Variants in ADAMTS12 observed in about 807,000 individuals in gnomAD.
ADAMTS12 encodes A disintegrin and metalloproteinase with thrombospondin motifs 12.
ADAMTS12 carries 118 observed loss-of-function variants against 167.8 expected under a neutral mutation model. That is an observed-to-expected ratio of 0.70 (90% confidence interval 0.61 to 0.82). ADAMTS12 has a LOEUF of 0.82. Among genes scored for constraint, ADAMTS12 ranks in the 40% least tolerant of loss-of-function variants. The pLI, the probability that ADAMTS12 is intolerant of heterozygous loss-of-function variation, is 0.00. For missense variants in ADAMTS12, 1,916 were observed against 1,998.8 expected, an observed-to-expected ratio of 0.96 and a Z score of 0.79; for synonymous variants, 704 against 716.9, an observed-to-expected ratio of 0.98 and a Z score of 0.29.
At chr5:33,555,936 C>A (rs1327628402) in intron 20 of ADAMTS12, among the ~76,000 whole-genome samples, 105 of 152,304 alleles carry the variant, frequency 6.9e-4, no homozygotes, top group Non-Finnish European at 8.8e-5. Flanking sequence ...CCTTCTCAGG[C>A]CAGTTTCTCC....
rs1239794446 is a variant in ADAMTS12, at chr5:33,574,266, T to C, written c.3972+1788A>G. ...TACTGGGTATATACCCAAAGGACTATAAATCATGCTGCTATAAAGACACAT... is the reference window on the plus strand; with the variant it reads ...TACTGGGTATATACCCAAAGGACTACAAATCATGCTGCTATAAAGACACAT... On this transcript the variant is annotated intron_variant, in intron 19 of 23. Transcript: ENST00000504830. 2.0e-5 allele frequency among the ~76,000 whole-genome samples: 3 copies of C among 152,112 alleles called. No homozygotes were observed. In the East Asian group the frequency reaches 5.8e-4, roughly 29 times the overall value.
intron 19 of ADAMTS12, among the ~76,000 whole-genome samples, chr5:33,565,875 G>A (rs1745991110): frequency 6.6e-6 from 1 of 152,010 alleles, no homozygotes; most frequent in Non-Finnish European, 1.5e-5. Context: ...CGTGGATATA[G>A]TAATGGCTCG....
chr5:33,774,170 A>G (rs9283730), intron 2 of ADAMTS12, among the ~76,000 whole-genome samples: 32,310 of 152,082 alleles, frequency 0.21, 4,622 homozygotes, highest in East Asian at 0.4. Flanking sequence ...CAAACAAAAA[A>G]CATTTATTAG....
chr5:33,857,869 C>T (rs1160573773), intron 2 of ADAMTS12, among the ~76,000 whole-genome samples: 1 of 152,168 alleles, frequency 6.6e-6, no homozygotes, highest in African/African-American at 2.4e-5. Flanking sequence ...TGAAGAAAAT[C>T]TGATAGAACT....
chr5:33,853,094 AG>A (rs1385950477), intron 2 of ADAMTS12, among the ~76,000 whole-genome samples: 1 of 152,226 alleles, frequency 6.6e-6, no homozygotes, highest in African/African-American at 2.4e-5. Context: ...GGAACCGAGC[AG>A]GGAGCCTAAT....
At chr5:33,879,056 G>A (rs1750331164) in intron 2 of ADAMTS12, among the ~76,000 whole-genome samples, 1 of 152,158 alleles carries the variant, frequency 6.6e-6, no homozygotes. Flanking sequence ...AGGGATATAG[G>A]TTTCTTTGTG....
At chr5:33,875,511 A>T (rs1039914829) in intron 2 of ADAMTS12, among the ~76,000 whole-genome samples, 1 of 152,214 alleles carries the variant, frequency 6.6e-6, no homozygotes, top group Non-Finnish European at 1.5e-5. Flanking sequence ...AACACTTTTT[A>T]AAAAATTAAT....
intron 2 of ADAMTS12, among the ~76,000 whole-genome samples, chr5:33,800,365 C>T (rs78684498): frequency 1.7e-3 from 265 of 152,158 alleles, no homozygotes; most frequent in African/African-American, 6.2e-3. Flanking sequence ...AAATCAGGAC[C>T]GGAAGACATG....
chr5:33,771,353 GAAT>G (rs1745731912), intron 2 of ADAMTS12, among the ~76,000 whole-genome samples: 1 of 152,132 alleles, frequency 6.6e-6, no homozygotes, highest in African/African-American at 2.4e-5. Flanking sequence ...TAGCCTGTAT[GAAT>G]GAGTGGGTAC....
At chr5:33,807,631 T>C (rs1253264820) in intron 2 of ADAMTS12, among the ~76,000 whole-genome samples, 1 of 152,246 alleles carries the variant, frequency 6.6e-6, no homozygotes, top group African/African-American at 2.4e-5. Context: ...TGTTGACTTT[T>C]CAGATTTAAA....
At chr5:33,730,493 A>G (rs2112352117) in intron 3 of ADAMTS12, among the ~76,000 whole-genome samples, 1 of 152,226 alleles carries the variant, frequency 6.6e-6, no homozygotes, top group South Asian at 2.1e-4. Flanking sequence ...AATATAGTTT[A>G]AATGCCTATT....
intron 22 of ADAMTS12, among the ~76,000 whole-genome samples, chr5:33,535,813 T>A (rs564732799): frequency 6.6e-6 from 1 of 151,744 alleles, no homozygotes; most frequent in South Asian, 2.1e-4. Flanking sequence ...AAAAGAGAAG[T>A]GGGAGGGAAA....
chr5:33,691,706 C>T (rs1398636407), intron 3 of ADAMTS12, among the ~76,000 whole-genome samples: 1 of 152,186 alleles, frequency 6.6e-6, no homozygotes, highest in Non-Finnish European at 1.5e-5. Flanking sequence ...TAAGCTTCAG[C>T]AGGACCTTCC....
At chr5:33,852,994 G>A (rs1297505292) in intron 2 of ADAMTS12, among the ~76,000 whole-genome samples, 1 of 152,156 alleles carries the variant, frequency 6.6e-6, no homozygotes, top group Non-Finnish European at 1.5e-5. Context: ...CAGCCCCTCA[G>A]GAGCAGGGGC....
intron 2 of ADAMTS12, among the ~76,000 whole-genome samples, chr5:33,797,818 G>C (rs1746839623): frequency 6.6e-6 from 1 of 152,094 alleles, no homozygotes; most frequent in Non-Finnish European, 1.5e-5. Context: ...ACTAAATAGA[G>C]AGCATAGCCC....
At chr5:33,756,391 C>A (rs895650500) in intron 2 of ADAMTS12, among the ~76,000 whole-genome samples, 2 of 152,252 alleles carry the variant, frequency 1.3e-5, no homozygotes, top group Admixed American at 6.5e-5. Flanking sequence ...CAAGATTGAA[C>A]TTCCACAGAC....
Position 33,634,353 on chromosome 5 carries a change from T to C in ADAMTS12, c.1888+3224A>G, listed in dbSNP as rs376181220. Among the ~76,000 whole-genome samples the C allele has an allele frequency of 9.2e-5, 14 of 152,138 alleles. No homozygotes were observed. The East Asian group carries it at 1.2e-3, about 13-fold the overall frequency. The stretch of plus-strand genomic sequence containing the variant: ...TTGCAATTCTTAAACATTTTACCTT[T>C]GAACTTGTGTTCGGTAAGGGAAGGC... On this transcript the variant is annotated intron_variant, in intron 12 of 23. Coordinates refer to ENST00000504830, the MANE Select transcript of ADAMTS12 (RefSeq NM_030955.4).
At chr5:33,817,327 T>C (rs940006787) in intron 2 of ADAMTS12, among the ~76,000 whole-genome samples, 13 of 152,308 alleles carry the variant, frequency 8.5e-5, no homozygotes, top group African/African-American at 3.1e-4. Flanking sequence ...CATTCATACC[T>C]GCAATTTATC....
intron 17 of ADAMTS12, among the ~76,000 whole-genome samples, chr5:33,592,251 CAAAAAACA>C (rs145297224): frequency 0.045 from 6,776 of 150,540 alleles, 443 homozygotes; most frequent in African/African-American, 0.15. Context: ...ACAAAAAAAA[CAAAAAACA>C]AAAAAACAAA....
Sources: gnomAD v4.1 joint callset for allele counts (sites outside exome capture counted in the v4.1 genomes callset) on GRCh38, gnomAD v4.1.1 for gene constraint, MANE v1.5 for transcripts, NCBI Gene and HGNC (gene_info 2026-07-23, HGNC 2026-07-21) for gene names.